FUT8: variants seen among roughly 807,000 people sequenced by gnomAD.
FUT8 encodes the protein fucosyltransferase 8.
Under a neutral mutation model 71.3 loss-of-function variants are expected in FUT8, and 29 were observed. That is an observed-to-expected ratio of 0.41 (90% confidence interval 0.30 to 0.55). The LOEUF is 0.55. FUT8 is among the 20% of genes least tolerant of loss of function. FUT8 has a pLI of 0.34. For synonymous variants in FUT8, 254 were observed against 239.3 expected (o/e 1.06, Z -0.57); for missense variants, 544 against 702.1 (o/e 0.77, Z 2.55).
At chr14:65,511,967 C>T (rs1320886597) in intron 2 of FUT8, among the ~76,000 whole-genome samples, 1 of 152,082 alleles carries the variant, frequency 6.6e-6, no homozygotes, top group East Asian at 1.9e-4. Context: ...TTGTGGTCTT[C>T]CCTTACGTCT....
At chr14:65,486,581 G>A (rs1354046390) in intron 2 of FUT8, among the ~76,000 whole-genome samples, 1 of 152,226 alleles carries the variant, frequency 6.6e-6, no homozygotes, top group Non-Finnish European at 1.5e-5. Flanking sequence ...GATAGAGGGG[G>A]CTCAGAAGAA....
the FUT8 span, among the ~76,000 whole-genome samples, chr14:65,389,375 A>ATT: frequency 2.7e-5 from 3 of 112,484 alleles, no homozygotes; most frequent in African/African-American, 2.7e-5. Flanking sequence ...ACACCCTGAT[A>ATT]TTTTTTTTTT....
Position 65,724,319 on chromosome 14 carries a change from A to C in FUT8, c.1255A>C (p.Thr419Pro). 1.9e-6 allele frequency: 3 copies of C among 1,599,782 alleles called. No homozygotes were observed. The highest frequency in any genetic ancestry group is 2.2e-5 in the East Asian group (1 of 44,638). ...DDPSLLKEAK[T>P]KYPNYEFISD... ...CCCTTCTTTATTAAAGGAGGCAAAA[A>C]CAAAGTAAGTTAGACCAACTAGTGA... Residue 419 changes from threonine (T) to proline (P), a missense_variant, in exon 9 of 11, where the codon ACA (threonine) becomes CCA (proline). Physicochemically the swap from Thr to Pro is conservative, Grantham distance 38. Transcript: ENST00000673929.
rs1555385487 is a variant in FUT8, at chr14:65,699,181, C to CACAT, written c.836-22591_836-22590insTACA. Among the ~76,000 whole-genome samples the CACAT allele has an allele frequency of 2.2e-3, 337 of 150,396 alleles. 1 individual carries two copies. The highest frequency in any genetic ancestry group is 8.0e-3 in the African/African-American group (322 of 40,442). On this transcript the variant is annotated intron_variant, in intron 7 of 10. Coordinates refer to ENST00000673929, the MANE Select transcript of FUT8 (RefSeq NM_001371533.1). Reference sequence around the variant, plus strand: ...ACACACACACACACACACACACACACACACACACACACACACACGCCCATG... The same window carrying CACAT: ...ACACACACACACACACACACACACACACATACACACACACACACACACGCCCATG...
intron 2 of FUT8, among the ~76,000 whole-genome samples, chr14:65,540,709 T>C (rs770319744): frequency 6.6e-6 from 1 of 152,356 alleles, no homozygotes; most frequent in East Asian, 1.9e-4. Context: ...GTGTAAATAA[T>C]GAAACACTGT....
chr14:65,708,874 G>A (rs1369699746), intron 7 of FUT8, among the ~76,000 whole-genome samples: 3 of 152,124 alleles, frequency 2.0e-5, no homozygotes, highest in Non-Finnish European at 4.4e-5. Flanking sequence ...GGAAAGGAGA[G>A]ATGTTGATGA....
chr14:65,475,916 A>G (rs1445474252), intron 2 of FUT8, among the ~76,000 whole-genome samples: 1 of 152,084 alleles, frequency 6.6e-6, no homozygotes, highest in African/African-American at 2.4e-5. Flanking sequence ...GATTGTAGGT[A>G]TAGGAAGTTG....
chr14:65,537,017 C>G (rs1382230234), intron 2 of FUT8, among the ~76,000 whole-genome samples: 1 of 87,674 alleles, frequency 1.1e-5, no homozygotes, highest in Non-Finnish European at 2.3e-5. Flanking sequence ...AGCCAGTCTT[C>G]AAGTTCTATG....
At chr14:65,694,742 A>G (rs1275568486) in intron 7 of FUT8, among the ~76,000 whole-genome samples, 1 of 151,980 alleles carries the variant, frequency 6.6e-6, no homozygotes, top group Non-Finnish European at 1.5e-5. Flanking sequence ...TGTCCTTTGT[A>G]GGGACATGGA....
intron 2 of FUT8, among the ~76,000 whole-genome samples, chr14:65,478,030 G>C (rs1362405157): frequency 6.6e-6 from 1 of 152,036 alleles, no homozygotes; most frequent in Non-Finnish European, 1.5e-5. Flanking sequence ...CTAGAACCAG[G>C]TCTGTAAAAT....
At chr14:65,474,389 G>T (rs1193264783) in intron 2 of FUT8, among the ~76,000 whole-genome samples, 1 of 143,318 alleles carries the variant, frequency 7.0e-6, no homozygotes. Flanking sequence ...GATCACTTGA[G>T]GTCAGGAGTT....
chr14:65,384,924 T>C, the FUT8 span, among the ~76,000 whole-genome samples: 1 of 151,486 alleles, frequency 6.6e-6, no homozygotes, highest in Non-Finnish European at 1.5e-5. The surrounding 1 kb of genome is among the most constrained non-coding windows in gnomAD (Gnocchi z 4.2). Flanking sequence ...AGAGTTTCGC[T>C]CTTGTTGCCC....
intron 2 of FUT8, among the ~76,000 whole-genome samples, chr14:65,523,196 TAA>T (rs1883201851): frequency 6.6e-6 from 1 of 152,230 alleles, no homozygotes; most frequent in Admixed American, 6.5e-5. Flanking sequence ...ACCAACAGTG[TAA>T]AAGTGTTCCT....
the FUT8 span, among the ~76,000 whole-genome samples, chr14:65,387,821 A>C: frequency 6.6e-6 from 1 of 152,184 alleles, no homozygotes; most frequent in South Asian, 2.1e-4. Flanking sequence ...ATTTTATCTC[A>C]TTTTCAGTTG....
At chr14:65,510,006 T>C (rs982805773) in intron 2 of FUT8, among the ~76,000 whole-genome samples, 16 of 152,174 alleles carry the variant, frequency 1.1e-4, no homozygotes, top group African/African-American at 3.4e-4. Context: ...ATCCTTGTTA[T>C]GTTTCAGATC....
At chr14:65,616,474 A>G in intron 5 of FUT8, 101 bp downstream of exon 5, 2 of 1,010,536 alleles carry the variant, frequency 2.0e-6, no homozygotes, top group Non-Finnish European at 2.8e-6. Flanking sequence ...GTAAATATTA[A>G]TAGCACCTAC....
At chr14:65,649,416 T>C (rs1230148215) in intron 6 of FUT8, among the ~76,000 whole-genome samples, 1 of 152,206 alleles carries the variant, frequency 6.6e-6, no homozygotes, top group African/African-American at 2.4e-5. Flanking sequence ...ATAGAAGATA[T>C]CCTGAAGCCA....
At chr14:65,562,398 T>C (rs1250131689) in intron 3 of FUT8, among the ~76,000 whole-genome samples, 1 of 152,148 alleles carries the variant, frequency 6.6e-6, no homozygotes, top group African/African-American at 2.4e-5. Flanking sequence ...CAACTGGATC[T>C]GGAATGCGGA....
At chr14:65,477,316 T>TACTATTTAGTTATAGTTA (rs2066262246) in intron 2 of FUT8, among the ~76,000 whole-genome samples, 3 of 152,240 alleles carry the variant, frequency 2.0e-5, no homozygotes, top group Admixed American at 2.0e-4. Flanking sequence ...TGTTAATTAT[T>TACTATTTAGTTATAGTTA]ACTATTGTTA....
Sources: allele counts gnomAD v4.1 joint callset (sites outside exome capture counted in the v4.1 genomes callset), GRCh38; gene constraint gnomAD v4.1.1; non-coding constraint Gnocchi (gnomAD v3.1); transcripts MANE v1.5; gene names NCBI Gene and HGNC (gene_info 2026-07-23, HGNC 2026-07-21).